The following SMYD3 variants were observed in gnomAD, a reference collection of about 807,000 sequenced individuals.
SMYD3 encodes SET and MYND domain containing 3.
A neutral mutation model predicts 57.7 loss-of-function variants in SMYD3; 36 were observed. The observed-to-expected ratio is 0.62, with a 90% CI of 0.48 to 0.82. The LOEUF (loss-of-function observed/expected upper bound fraction) is 0.82, where lower values mean the gene tolerates loss of function less well. Among genes scored for constraint, SMYD3 ranks in the 40% least tolerant of loss-of-function variants. The probability of loss-of-function intolerance (pLI) is 0.00; values close to 1 mark genes in which losing one functional copy is unlikely to be tolerated. For synonymous variants in SMYD3, 211 were observed against 195.0 expected (o/e 1.08, Z -0.68); for missense variants, 515 against 538.8 (o/e 0.96, Z 0.44).
intron 2 of SMYD3, among the ~76,000 whole-genome samples, chr1:246,337,663 T>C (rs1220766381): frequency 6.6e-6 from 1 of 152,204 alleles, no homozygotes; most frequent in Non-Finnish European, 1.5e-5. Flanking sequence ...AATGCCTCAG[T>C]GTCCAGCTGA....
chr1:246,251,487 T>TTTAGTAGGTGCCTCGGACACTGC (rs1488865627), intron 5 of SMYD3, among the ~76,000 whole-genome samples: 5 of 93,920 alleles, frequency 5.3e-5, no homozygotes, highest in African/African-American at 2.0e-4. Context: ...TCGGACACTG[T>TTTAGTAGGTGCCTCGGACACTGC]GCCCGGCTTT....
intron 8 of SMYD3, among the ~76,000 whole-genome samples, chr1:245,911,090 G>C (rs1050378140): frequency 6.6e-6 from 1 of 151,744 alleles, no homozygotes; most frequent in Non-Finnish European, 1.5e-5. Flanking sequence ...TGAATTCATA[G>C]AAATGGCCAA....
chr1:245,968,291 C>T (rs2058208095), intron 5 of SMYD3, among the ~76,000 whole-genome samples: 1 of 149,416 alleles, frequency 6.7e-6, no homozygotes, highest in Non-Finnish European at 1.5e-5. Flanking sequence ...TCTACTGAGA[C>T]ACTCAGTTCT....
rs532511054 is a variant in SMYD3 at position 245,935,784 on chromosome 1, A to C, written c.532-5847T>G. On this transcript the variant is annotated intron_variant, in intron 5 of 11. Transcript: ENST00000490107. ...ATGTTAAGTGAACTAAGCCAGGTACAAAAAGACAAATAATCCATGATCTCA... is the reference window on the plus strand; with the variant it reads ...ATGTTAAGTGAACTAAGCCAGGTACCAAAAGACAAATAATCCATGATCTCA... Among the ~76,000 whole-genome samples, 48 of 152,338 alleles carry C rather than the reference A, an allele frequency of 3.2e-4. 1 individual carries two copies. The East Asian group carries it at 7.5e-3, about 24-fold the overall frequency.
At chr1:246,342,875 A>G (rs1056952463) in intron 2 of SMYD3, among the ~76,000 whole-genome samples, 3 of 152,202 alleles carry the variant, frequency 2.0e-5, no homozygotes, top group Non-Finnish European at 4.4e-5. Flanking sequence ...AGTGCCCCCA[A>G]AGTAAGTCAA....
chr1:246,264,050 T>G (rs891815387), intron 5 of SMYD3, among the ~76,000 whole-genome samples: 20 of 147,582 alleles, frequency 1.4e-4, no homozygotes, highest in Middle Eastern at 3.2e-3. Flanking sequence ...TGTTTTTTTT[T>G]TTGTTGCCTT....
At chr1:246,242,889 A>G (rs550356898) in intron 5 of SMYD3, among the ~76,000 whole-genome samples, 55 of 152,324 alleles carry the variant, frequency 3.6e-4, no homozygotes, top group Non-Finnish European at 6.3e-4. Context: ...TCAGTTCAAC[A>G]AGAAGAGCTA....
intron 5 of SMYD3, among the ~76,000 whole-genome samples, chr1:246,087,581 G>A (rs2060741221): frequency 6.6e-6 from 1 of 152,194 alleles, no homozygotes; most frequent in South Asian, 2.1e-4. Context: ...TGTTTTCCGT[G>A]GTATCTATGA....
At chr1:246,109,321 T>TA (rs1347939571) in intron 5 of SMYD3, among the ~76,000 whole-genome samples, 2 of 152,210 alleles carry the variant, frequency 1.3e-5, no homozygotes, top group African/African-American at 4.8e-5. Flanking sequence ...ATTTTTTTTA[T>TA]AAATGGATTC....
chr1:246,470,400 G>C (rs540048986), intron 1 of SMYD3, among the ~76,000 whole-genome samples: 2 of 151,918 alleles, frequency 1.3e-5, no homozygotes, highest in Admixed American at 1.3e-4. Flanking sequence ...GGAGGCCGAG[G>C]CAGGAGAATC....
chr1:245,971,128 T>A (rs574955474), intron 5 of SMYD3, among the ~76,000 whole-genome samples: 3 of 152,288 alleles, frequency 2.0e-5, no homozygotes, highest in Admixed American at 6.5e-5. Context: ...TAAAAAAGGA[T>A]AAGTTCGTGT....
intron 5 of SMYD3, among the ~76,000 whole-genome samples, chr1:246,036,839 T>C (rs1016780267): frequency 9.9e-5 from 15 of 151,830 alleles, no homozygotes; most frequent in Admixed American, 2.0e-4. Flanking sequence ...GCTGGGATTA[T>C]AGGCATGAGC....
intron 5 of SMYD3, among the ~76,000 whole-genome samples, chr1:246,050,535 C>CAGGTCCAACGTAAATGGTG (rs1416464074): frequency 6.6e-6 from 1 of 152,180 alleles, no homozygotes. Flanking sequence ...TTCTAAGTGT[C>CAGGTCCAACGTAAATGGTG]AGGTCCAACG....
intron 1 of SMYD3, among the ~76,000 whole-genome samples, chr1:246,390,214 CAAAAAAAAAAAAAAAAAA>C (rs56279385): frequency 6.0e-4 from 40 of 67,042 alleles, no homozygotes; most frequent in Admixed American, 2.0e-3. Flanking sequence ...ATTCTGTCTC[CAAAAAAAAAAAAAAAAAA>C]AAAAAAAAAA....
intron 5 of SMYD3, among the ~76,000 whole-genome samples, chr1:246,101,121 T>C (rs969887937): frequency 2.1e-5 from 3 of 141,790 alleles, no homozygotes; most frequent in African/African-American, 7.7e-5. Context: ...ACGCTTATAA[T>C]ATGTGAAGTT....
At chr1:246,490,638 C>A (rs1288692320) in intron 1 of SMYD3, among the ~76,000 whole-genome samples, 1 of 152,158 alleles carries the variant, frequency 6.6e-6, no homozygotes, top group African/African-American at 2.4e-5. Context: ...TTTGGGAGGC[C>A]AAGGGGAGAG....
intron 10 of SMYD3, among the ~76,000 whole-genome samples, chr1:245,771,655 AAC>A (rs2046343091): frequency 1.3e-5 from 2 of 152,326 alleles, no homozygotes; most frequent in African/African-American, 4.8e-5. Flanking sequence ...CAAATGTAGA[AAC>A]TCAGTGTCAT....
intron 7 of SMYD3, among the ~76,000 whole-genome samples, chr1:245,925,400 A>G (rs1053866830): frequency 1.3e-5 from 2 of 152,142 alleles, no homozygotes; most frequent in Admixed American, 6.6e-5. Context: ...TGTACAATAA[A>G]TAGGAATTAC....
At chr1:246,035,814 T>G (rs2059764123) in intron 5 of SMYD3, among the ~76,000 whole-genome samples, 1 of 152,224 alleles carries the variant, frequency 6.6e-6, no homozygotes, top group South Asian at 2.1e-4. Context: ...AAATCCAGAT[T>G]TGTCTTTTAT....
Sources: gnomAD v4.1 joint callset for allele counts (sites outside exome capture counted in the v4.1 genomes callset) on GRCh38, gnomAD v4.1.1 for gene constraint, MANE v1.5 for transcripts, NCBI Gene and HGNC (gene_info 2026-07-23, HGNC 2026-07-21) for gene names.